CSMD1: variants seen among roughly 807,000 people sequenced by gnomAD.
CSMD1 encodes CUB and sushi domain-containing protein 1.
A neutral mutation model predicts 417.5 loss-of-function variants in CSMD1; 213 were observed. That is an observed-to-expected ratio of 0.51 (90% confidence interval 0.46 to 0.57). The LOEUF (loss-of-function observed/expected upper bound fraction) is 0.57, where lower values mean the gene tolerates loss of function less well. Ranked by LOEUF, CSMD1 falls within the 20% of genes least tolerant of loss-of-function variation. The pLI is 0.00. For missense variants in CSMD1, 6,923 were observed against 4,529.7 expected, an observed-to-expected ratio of 1.53 and a Z score of -15.17; for synonymous variants, 2,862 against 1,736.8, an observed-to-expected ratio of 1.65 and a Z score of -16.11.
chr8:4,067,263 G>C (rs983068705), intron 3 of CSMD1, among the ~76,000 whole-genome samples: 2 of 152,108 alleles, frequency 1.3e-5, no homozygotes, highest in African/African-American at 2.4e-5. Flanking sequence ...TGAAAACTAA[G>C]AATCATAGCC....
chr8:3,892,182 G>A (rs564731205), intron 5 of CSMD1, among the ~76,000 whole-genome samples: 3 of 152,294 alleles, frequency 2.0e-5, no homozygotes, highest in South Asian at 2.1e-4. Context: ...CATTTAGCCT[G>A]CTTCCAATGT....
chr8:3,692,997 T>A (rs2623598), intron 7 of CSMD1, among the ~76,000 whole-genome samples: 7,865 of 152,272 alleles, frequency 0.052, 687 homozygotes, highest in African/African-American at 0.18. Flanking sequence ...TCATCAAAAG[T>A]AACATTAATA....
intron 1 of CSMD1, among the ~76,000 whole-genome samples, chr8:4,989,265 G>A (rs768758653): frequency 6.6e-5 from 10 of 151,826 alleles, no homozygotes; most frequent in Non-Finnish European, 1.3e-4. Flanking sequence ...TCCATGCCAG[G>A]TCTACAGTAA....
At chr8:3,990,903 G>T (rs1397153797) in intron 5 of CSMD1, among the ~76,000 whole-genome samples, 6 of 152,152 alleles carry the variant, frequency 3.9e-5, no homozygotes, top group Non-Finnish European at 8.8e-5. Context: ...CCATTCTGAC[G>T]TGAAAGACCC....
At chr8:3,257,820 G>A (rs903283875) in intron 26 of CSMD1, among the ~76,000 whole-genome samples, 1 of 152,138 alleles carries the variant, frequency 6.6e-6, no homozygotes, top group East Asian at 1.9e-4. Flanking sequence ...TGGGGTGAGG[G>A]GAGAATTGCA....
At chr8:3,658,178 C>A (rs780047046) in intron 7 of CSMD1, among the ~76,000 whole-genome samples, 1 of 151,996 alleles carries the variant, frequency 6.6e-6, no homozygotes, top group African/African-American at 2.4e-5. Context: ...CCAGAAGATA[C>A]AATTTTCTAT....
At chr8:4,195,808 C>G (rs973318457) in intron 3 of CSMD1, among the ~76,000 whole-genome samples, 2 of 152,132 alleles carry the variant, frequency 1.3e-5, no homozygotes, top group African/African-American at 4.8e-5. Flanking sequence ...ATGCACAGTC[C>G]TGCCCTCAAG....
At chr8:4,452,816 C>A (rs1225510621) in intron 2 of CSMD1, among the ~76,000 whole-genome samples, 1 of 152,020 alleles carries the variant, frequency 6.6e-6, no homozygotes, top group African/African-American at 2.4e-5. Flanking sequence ...TCCCCCAGTC[C>A]TCAATATCAG....
intron 1 of CSMD1, among the ~76,000 whole-genome samples, chr8:4,705,084 T>C (rs1365655253): frequency 6.6e-6 from 1 of 152,106 alleles, no homozygotes; most frequent in Non-Finnish European, 1.5e-5. Context: ...ATATGATGGT[T>C]TTATAAGTGT....
At chr8:4,220,872 A>G in intron 3 of CSMD1, among the ~76,000 whole-genome samples, 1 of 152,190 alleles carries the variant, frequency 6.6e-6, no homozygotes, top group East Asian at 1.9e-4. Flanking sequence ...GTAACAAGTA[A>G]GAAGATTTGG....
At chr8:3,548,687 C>CAG (rs1214771389) in intron 10 of CSMD1, among the ~76,000 whole-genome samples, 2 of 149,826 alleles carry the variant, frequency 1.3e-5, no homozygotes, top group African/African-American at 4.9e-5. Context: ...CACACACACA[C>CAG]ACACACACAC....
At chr8:4,049,995 G>C (rs1019843052) in intron 3 of CSMD1, among the ~76,000 whole-genome samples, 2 of 152,164 alleles carry the variant, frequency 1.3e-5, no homozygotes, top group East Asian at 1.9e-4. Flanking sequence ...GACCTCCCTT[G>C]TTTTAAGGGC....
At chr8:4,942,797 T>C (rs1297671965) in intron 1 of CSMD1, among the ~76,000 whole-genome samples, 2 of 152,206 alleles carry the variant, frequency 1.3e-5, no homozygotes, top group Non-Finnish European at 2.9e-5. Flanking sequence ...AATTGGAAAC[T>C]GCAACTTAAA....
chr8:4,719,163 G>C (rs1490923171), intron 1 of CSMD1, among the ~76,000 whole-genome samples: 1 of 152,096 alleles, frequency 6.6e-6, no homozygotes, highest in Non-Finnish European at 1.5e-5. Flanking sequence ...AGAAAGGCAG[G>C]TGAAAAAAAG....
intron 3 of CSMD1, among the ~76,000 whole-genome samples, chr8:4,072,451 T>C (rs903127974): frequency 6.6e-6 from 1 of 152,202 alleles, no homozygotes; most frequent in Non-Finnish European, 1.5e-5. Flanking sequence ...CTCTGGGAGA[T>C]AGACTTTATT....
At chr8:3,714,737 T>A (rs1014876954) in intron 6 of CSMD1, among the ~76,000 whole-genome samples, 1 of 151,842 alleles carries the variant, frequency 6.6e-6, no homozygotes, top group Non-Finnish European at 1.5e-5. Context: ...ACCCTTTAGT[T>A]TCTCAAAAAA....
intron 3 of CSMD1, among the ~76,000 whole-genome samples, chr8:4,360,009 G>C (rs1327400761): frequency 6.6e-6 from 1 of 152,148 alleles, no homozygotes; most frequent in Admixed American, 6.5e-5. Context: ...CCCAGTTGTG[G>C]AGTTCCAGCT....
At chr8:3,297,381 A>G (rs1216236958) in intron 25 of CSMD1, among the ~76,000 whole-genome samples, 1 of 152,210 alleles carries the variant, frequency 6.6e-6, no homozygotes, top group Non-Finnish European at 1.5e-5. Context: ...ATCTATATGA[A>G]GAAGAACAAA....
chr8:3,130,755 C>G (rs1427394596), intron 41 of CSMD1, among the ~76,000 whole-genome samples: 1 of 152,154 alleles, frequency 6.6e-6, no homozygotes, highest in Non-Finnish European at 1.5e-5. Context: ...GGCCCCCGCT[C>G]ACAACCTAAA....
Sources: gnomAD v4.1 joint callset for allele counts (sites outside exome capture counted in the v4.1 genomes callset) on GRCh38, gnomAD v4.1.1 for gene constraint, MANE v1.5 for transcripts, NCBI Gene and HGNC (gene_info 2026-07-23, HGNC 2026-07-21) for gene names.